PCNX4: variants seen among roughly 807,000 people sequenced by gnomAD.
PCNX4 encodes the protein pecanex-like protein 4.
Under a neutral mutation model 107.2 loss-of-function variants are expected in PCNX4, and 103 were observed. That is an observed-to-expected ratio of 0.96 (90% confidence interval 0.82 to 1.13). PCNX4 has a LOEUF of 1.13. PCNX4 is among the 50% of genes most tolerant of loss of function. The probability of loss-of-function intolerance (pLI) is 0.00; values close to 1 mark genes in which losing one functional copy is unlikely to be tolerated. For missense variants in PCNX4, 1,528 were observed against 1,379.4 expected (o/e 1.11, Z -1.71); for synonymous variants, 541 against 481.7 (o/e 1.12, Z -1.61).
chr14:60,105,325 A>G (rs936268545), intron 1 of PCNX4, among the ~76,000 whole-genome samples: 6 of 152,314 alleles, frequency 3.9e-5, no homozygotes, highest in African/African-American at 1.4e-4. Context: ...TCCTAGGCAA[A>G]GGAGAGAGCA....
chr14:60,145,668 CT>C lies in PCNX4; in HGVS notation c.*11448del, dbSNP rs2140582953. ...CAGCCTGGCCAACAAGAGGGAAACTCTGTCTCAAAAAAAATAAAAAGAAAAA... is the reference window on the plus strand; with the variant it reads ...CAGCCTGGCCAACAAGAGGGAAACTCGTCTCAAAAAAAATAAAAAGAAAAA... On this transcript the variant is annotated 3_prime_UTR_variant, in exon 11 of 11. Transcript: ENST00000406854. This position sits in a 1 kb window ranked among gnomAD's most constrained non-coding sequence, Gnocchi z 4.0. The C allele has an allele frequency of 1.3e-5, 2 of 151,872 alleles. No individual in the cohort carries two copies. The highest frequency in any genetic ancestry group is 2.9e-5 in the Non-Finnish European group (2 of 67,968). The allele number at this position is 151,872 out of a possible 1,614,324, so 9.4% of individuals were successfully genotyped here. A position where few individuals can be genotyped will look rare whatever the true frequency, so the allele number is the denominator to read the frequency against.
chr14:60,098,945 A>G (rs1336062959), intron 1 of PCNX4, among the ~76,000 whole-genome samples: 11 of 144,480 alleles, frequency 7.6e-5, no homozygotes, highest in Admixed American at 6.2e-4. Context: ...TCTCAAAAAG[A>G]AAAAAAAAAA....
intron 1 of PCNX4, among the ~76,000 whole-genome samples, chr14:60,105,155 C>T (rs1287500106): frequency 6.6e-6 from 1 of 152,108 alleles, no homozygotes; most frequent in African/African-American, 2.4e-5. Flanking sequence ...TTTGGATATT[C>T]AGATTTGTGA....
chr14:60,128,572 C>A (rs992710055), intron 10 of PCNX4, among the ~76,000 whole-genome samples: 2 of 152,056 alleles, frequency 1.3e-5, no homozygotes, highest in African/African-American at 4.8e-5. Flanking sequence ...GCTACCAGAC[C>A]CACCTTACAA....
chr14:60,098,371 C>CA (rs1273720483), intron 1 of PCNX4, among the ~76,000 whole-genome samples: 1 of 152,194 alleles, frequency 6.6e-6, no homozygotes, highest in Non-Finnish European at 1.5e-5. Context: ...GTTTATTCTC[C>CA]AAAACAAACC....
intron 2 of PCNX4, among the ~76,000 whole-genome samples, chr14:60,111,343 C>A (rs1051372953): frequency 6.6e-6 from 1 of 152,222 alleles, no homozygotes; most frequent in East Asian, 1.9e-4. Flanking sequence ...CCATGTAATT[C>A]TTCACCTAAT....
intron 1 of PCNX4, 133 bp downstream of exon 1, chr14:60,092,552 C>T (rs1043738291): frequency 6.6e-6 from 1 of 152,266 alleles, no homozygotes; most frequent in Non-Finnish European, 1.5e-5. Context: ...GTTGCAAAAC[C>T]TTTAAGTGCA....
chr14:60,138,307 G>C lies in PCNX4; in HGVS notation c.*4086G>C, dbSNP rs1345445680. On this transcript the variant is annotated 3_prime_UTR_variant, in exon 11 of 11. Coordinates refer to ENST00000406854, the MANE Select transcript of PCNX4 (RefSeq NM_001330177.2). Reference sequence around the variant, plus strand: ...ACGTAACTGGATTTCCAGGAGAAGAGAGAATATGGCAGAAGCAACCTGTGA... The same window carrying C: ...ACGTAACTGGATTTCCAGGAGAAGACAGAATATGGCAGAAGCAACCTGTGA... 6.6e-6 allele frequency: 1 copy of C among 152,144 alleles called. No homozygotes were observed. Among genetic ancestry groups the C allele is most frequent in the Non-Finnish European group, 1.5e-5 (1 of 68,026 alleles). 9.4% of individuals were successfully genotyped at this position (152,144 alleles called of 1,614,324 possible).
At chr14:60,120,439 G>T (rs576535070) in intron 7 of PCNX4, among the ~76,000 whole-genome samples, 1 of 152,226 alleles carries the variant, frequency 6.6e-6, no homozygotes, top group South Asian at 2.1e-4. Context: ...TCAGGTAGGG[G>T]GTTCCCAGAT....
Position 60,141,615 on chromosome 14 carries a change from C to A in PCNX4, c.*7394C>A, listed in dbSNP as rs1758378287. On this transcript the variant is annotated 3_prime_UTR_variant, in exon 11 of 11. Coordinates refer to ENST00000406854, the MANE Select transcript of PCNX4 (RefSeq NM_001330177.2). ...CCTATAACCATTAAAGAATTAAATT[C>A]ATAATTTAAAATCTCCTGATAAAAG... The A allele has an allele frequency of 6.8e-6, 1 of 146,142 alleles. No individual in the cohort carries two copies. Among genetic ancestry groups the A allele is most frequent in the African/African-American group, 2.7e-5 (1 of 36,888 alleles). 9.1% of individuals were successfully genotyped at this position (146,142 alleles called of 1,614,324 possible).
rs761423309 is a variant in PCNX4, at chr14:60,140,162, A to T, written c.*5941A>T. On this transcript the variant is annotated 3_prime_UTR_variant, in exon 11 of 11. Transcript: ENST00000406854. The surrounding 1 kb of genome is among the most constrained non-coding windows in gnomAD (Gnocchi z 4.2). ...GAAAAAGGAAGAAACACAAACAACC[A>T]ATATCAGGAATGAAAGGATATTACA... 3.3e-5 allele frequency: 5 copies of T among 152,188 alleles called. No individual in the cohort carries two copies. The highest frequency in any genetic ancestry group is 4.4e-5 in the Non-Finnish European group (3 of 68,018). 9.4% of individuals were successfully genotyped at this position (152,188 alleles called of 1,614,324 possible).
chr14:60,105,120 TA>T (rs1181827143), intron 1 of PCNX4, among the ~76,000 whole-genome samples: 1 of 152,204 alleles, frequency 6.6e-6, no homozygotes, highest in Non-Finnish European at 1.5e-5. Context: ...TGTTGGCACT[TA>T]AAAAGTTTCA....
At position 60,142,334 on chromosome 14, in the gene PCNX4, T is replaced by C. The variant is rs1460097942; in HGVS notation, c.*8113T>C. On this transcript the variant is annotated 3_prime_UTR_variant, in exon 11 of 11. Coordinates refer to ENST00000406854, the MANE Select transcript of PCNX4 (RefSeq NM_001330177.2). The surrounding 1 kb of genome is among the most constrained non-coding windows in gnomAD (Gnocchi z 4.7). The stretch of plus-strand genomic sequence containing the variant: ...ATTACCGATTGTGACTGAGGTCTCA[T>C]GTGGCTTACTGGTGAATCCAGTAGT... 1.3e-5 allele frequency: 2 copies of C among 152,214 alleles called. No individual in the cohort carries two copies. The highest frequency in any genetic ancestry group is 6.5e-5 in the Admixed American group (1 of 15,278). The allele number at this position is 152,214 out of a possible 1,614,324, so 9.4% of individuals were successfully genotyped here.
intron 6 of PCNX4, among the ~76,000 whole-genome samples, chr14:60,116,491 T>C (rs548867375): frequency 2.2e-3 from 331 of 152,266 alleles, no homozygotes; most frequent in Non-Finnish European, 3.9e-3. Flanking sequence ...AGATGAAAAA[T>C]TCCTATCAGC....
At chr14:60,109,819 G>T (rs140212197) in intron 2 of PCNX4, 331 of 167,304 alleles carry the variant, frequency 2.0e-3, no homozygotes, top group Non-Finnish European at 6.9e-4. Context: ...GAACCCAGAG[G>T]AAAGGCAGTC....
rs1424991928 is a variant in PCNX4, at chr14:60,146,700, T to C, written c.*12479T>C. 6.6e-6 allele frequency: 1 copy of C among 152,058 alleles called. No homozygotes were observed. The highest frequency in any genetic ancestry group is 1.9e-4 in the East Asian group (1 of 5,202). The allele number at this position is 152,058 out of a possible 1,614,324, so 9.4% of individuals were successfully genotyped here. On this transcript the variant is annotated 3_prime_UTR_variant, in exon 11 of 11. Transcript: ENST00000406854. This position sits in a 1 kb window ranked among gnomAD's most constrained non-coding sequence, Gnocchi z 4.9. ...GTGTGTCTGTGTGTGTATATATATA[T>C]ATGGAATATTATTCCACAATGGAAT... is the stretch of plus-strand genomic sequence containing the variant.
intron 2 of PCNX4, chr14:60,110,345 A>G (rs988237651): frequency 6.0e-6 from 1 of 167,144 alleles, no homozygotes; most frequent in African/African-American, 2.4e-5. Flanking sequence ...TGTTTCAACA[A>G]GTCAGCTAGC....
Position 60,138,505 on chromosome 14 carries a change from G to T in PCNX4, c.*4284G>T, listed in dbSNP as rs548345505. ...ATAAAAGACATTACTTTTAAAGGAG[G>T]CACAATTTTATTAAACTGACAGCTA... On this transcript the variant is annotated 3_prime_UTR_variant, in exon 11 of 11. Transcript: ENST00000406854. 1 of 152,256 alleles carries T rather than the reference G, an allele frequency of 6.6e-6. No individual in the cohort carries two copies. The highest frequency in any genetic ancestry group is 1.9e-4 in the East Asian group (1 of 5,186). The allele number at this position is 152,256 out of a possible 1,614,324, so 9.4% of individuals were successfully genotyped here.
Position 60,134,135 on chromosome 14 carries a change from T to A in PCNX4, c.3433T>A (p.Leu1145Ile), listed in dbSNP as rs1292219551. The A allele has an allele frequency of 4.3e-6, 7 of 1,613,784 alleles. 1 individual carries two copies. Among genetic ancestry groups the A allele is most frequent in the South Asian group, 2.2e-5 (2 of 91,088 alleles). Residue 1145 changes from leucine to isoleucine, a missense_variant, in exon 11 of 11, where the codon TTA becomes ATA. Leu to Ile is a conservative substitution (Grantham distance 5). Transcript: ENST00000406854. ...RYSIQAHPLL[L>I]RNLTVQAAEP... ...TAGTATACAAGCTCATCCACTACTT[T>A]TAAGAAATCTTACGGTACAAGCAGC...
Sources: gnomAD v4.1 joint callset for allele counts (sites outside exome capture counted in the v4.1 genomes callset) on GRCh38, gnomAD v4.1.1 for gene constraint, Gnocchi (gnomAD v3.1) non-coding constraint, MANE v1.5 for transcripts, NCBI Gene and HGNC (gene_info 2026-07-23, HGNC 2026-07-21) for gene names.